LRIF1: variants seen among roughly 807,000 people sequenced by gnomAD.
LRIF1 encodes the protein ligand-dependent nuclear receptor-interacting factor 1.
Under a neutral mutation model 52.7 loss-of-function variants are expected in LRIF1, and 32 were observed. The observed-to-expected ratio is 0.61, with a 90% confidence interval of 0.46 to 0.82. LRIF1 has a LOEUF of 0.82. Ranked by LOEUF, LRIF1 falls within the 40% of genes least tolerant of loss-of-function variation. The pLI, the probability that LRIF1 is intolerant of heterozygous loss-of-function variation, is 0.00. For synonymous variants in LRIF1, 323 were observed against 317.4 expected (o/e 1.02, Z -0.19); for missense variants, 887 against 892.0 (o/e 0.99, Z 0.07).
chr1:110,891,797 T>C, the LRIF1 span, among the ~76,000 whole-genome samples: 1 of 152,350 alleles, frequency 6.6e-6, no homozygotes, highest in African/African-American at 2.4e-5. Flanking sequence ...GTTTTTCTTG[T>C]CTTTTTTTCT....
chr1:110,887,384 A>G, the LRIF1 span, among the ~76,000 whole-genome samples: 1 of 152,112 alleles, frequency 6.6e-6, no homozygotes, highest in South Asian at 2.1e-4. Flanking sequence ...AAAACATAGT[A>G]TCTGGCTTAA....
In LRIF1 at chr1:110,947,771, C is replaced by T; in HGVS notation, c.*188G>A. ...GTATCTAAGACAAAGGTATAGATAC[C>T]CCATGTAAATTATTCACAAGTCATA... On this transcript the variant is annotated 3_prime_UTR_variant, in exon 4 of 4. Coordinates refer to ENST00000369763, the MANE Select transcript of LRIF1 (RefSeq NM_018372.4). 3 of 612,054 alleles carry T rather than the reference C, an allele frequency of 4.9e-6. No individual in the cohort carries two copies. The highest frequency in any genetic ancestry group is 7.5e-6 in the Non-Finnish European group (3 of 397,536). The allele number at this position is 612,054 out of a possible 1,614,324, so 37.9% of individuals were successfully genotyped here.
At chr1:110,886,846 A>AAGATATATATATATATATATATAT in the LRIF1 span, among the ~76,000 whole-genome samples, 5 of 101,002 alleles carry the variant, frequency 5.0e-5, no homozygotes, top group African/African-American at 1.6e-4. Context: ...CTCTGTCTCC[A>AAGATATATATATATATATATATAT]ATATATATAT....
At position 110,950,002 on chromosome 1, in the gene LRIF1, A is replaced by C. The variant is rs771029757; in HGVS notation, c.1718T>G (p.Ile573Arg). 1.2e-6 allele frequency: 2 copies of C among 1,614,142 alleles called. No individual in the cohort carries two copies. Among genetic ancestry groups the C allele is most frequent in the Admixed American group, 1.7e-5 (1 of 60,030 alleles). Residue 573 changes from isoleucine to arginine, a missense_variant, in exon 3 of 4, where the codon ATA (isoleucine) becomes AGA (arginine). Ile to Arg is a moderately conservative substitution (Grantham distance 97, BLOSUM62 -3). Coordinates refer to ENST00000369763, the MANE Select transcript of LRIF1 (RefSeq NM_018372.4). The part of the protein sequence containing the change: ...HLKSDAEFKK[I>R]FGLTKDLRVC... ...TCTCAAATCCTTAGTAAGGCCAAAT[A>C]TCTTTTTAAATTCAGCATCACTCTT...
chr1:110,917,996 A>C, the LRIF1 span, among the ~76,000 whole-genome samples: 1 of 152,220 alleles, frequency 6.6e-6, no homozygotes, highest in Admixed American at 6.5e-5. Flanking sequence ...TGATAGATTA[A>C]ATATGTAAGA....
chr1:110,876,265 C>A, the LRIF1 span, among the ~76,000 whole-genome samples: 224 of 152,250 alleles, frequency 1.5e-3, no homozygotes, highest in Non-Finnish European at 2.5e-3. Context: ...TCTTCTGATT[C>A]TCTATGGCAT....
the LRIF1 span, chr1:110,894,994 G>A: frequency 2.5e-6 from 4 of 1,614,020 alleles, no homozygotes; most frequent in Non-Finnish European, 3.4e-6. Context: ...CTGACCGACA[G>A]CATCCACCGT....
the LRIF1 span, among the ~76,000 whole-genome samples, chr1:110,885,481 T>C: frequency 6.6e-6 from 1 of 151,868 alleles, no homozygotes; most frequent in South Asian, 2.1e-4. Flanking sequence ...GAGCTTGCAG[T>C]GAGCCGAGAT....
Position 110,952,308 on chromosome 1 carries a change from T to G in LRIF1, c.576A>C (p.Glu192Asp). ...ATGATGACGCTGGTACAGATTTCAC[T>G]TCAGCATGGGCTGGAATCTGTAAAT... ...GHHLQIPAHA[E>D]VKSVPASSLP... The change falls in exon 2 of 4, where the codon GAA becomes GAC. Residue 192 changes from glutamate to aspartate, a missense_variant. Transcript: ENST00000369763. 1.2e-6 allele frequency: 2 copies of G among 1,614,150 alleles called. No individual in the cohort carries two copies. The highest frequency in any genetic ancestry group is 1.7e-6 in the Non-Finnish European group (2 of 1,179,996).
chr1:110,961,565 G>C (rs144616163), intron 1 of LRIF1, among the ~76,000 whole-genome samples: 5 of 152,252 alleles, frequency 3.3e-5, no homozygotes, highest in African/African-American at 1.2e-4. Flanking sequence ...GATGAATTAA[G>C]AGATACTTCA....
At position 110,951,608 on chromosome 1, in the gene LRIF1, T is replaced by C. The variant is rs1444811776; in HGVS notation, c.1276A>G (p.Thr426Ala). ...LAKSKSSQME[T>A]KSLSNTQLAS... ...AGCTGGGTATTGGAAAGTGATTTTGTCTCCATCTGGGAAGATTTACTTTTA... is the reference window on the plus strand; with the variant it reads ...AGCTGGGTATTGGAAAGTGATTTTGCCTCCATCTGGGAAGATTTACTTTTA... The change falls in exon 2 of 4, where the codon ACA becomes GCA. Residue 426 changes from threonine to alanine, a missense_variant. By Grantham distance (58) the Thr-to-Ala change is moderately conservative. Coordinates refer to ENST00000369763, the MANE Select transcript of LRIF1 (RefSeq NM_018372.4). The C allele has an allele frequency of 6.2e-7, 1 of 1,614,112 alleles. No individual in the cohort carries two copies. Among genetic ancestry groups the C allele is most frequent in the Non-Finnish European group, 8.5e-7 (1 of 1,180,016 alleles).
At position 110,956,113 on chromosome 1, in the gene LRIF1, T is replaced by A. The variant is rs192984386; in HGVS notation, c.69-3298A>T. On this transcript the variant is annotated intron_variant, in intron 1 of 3. Transcript: ENST00000369763. The stretch of plus-strand genomic sequence containing the variant: ...ATCACATGACATCATCTGCTAAAAG[T>A]AAGAGCAAAAATATGGAAAGATTTG... Among the ~76,000 whole-genome samples, 14 of 152,294 alleles carry A rather than the reference T, an allele frequency of 9.2e-5. No homozygotes were observed. In the East Asian group the frequency reaches 2.3e-3, roughly 25 times the overall value.
At chr1:110,949,735 A>T in intron 3 of LRIF1, 116 bp downstream of exon 3, 7 of 1,164,480 alleles carry the variant, frequency 6.0e-6, no homozygotes, top group Non-Finnish European at 8.5e-6. Context: ...TATTTGCAAA[A>T]CCAGTAACAA....
At chr1:110,912,118 C>T in the LRIF1 span, among the ~76,000 whole-genome samples, 1 of 152,148 alleles carries the variant, frequency 6.6e-6, no homozygotes, top group Non-Finnish European at 1.5e-5. Context: ...AGTCTCTGCC[C>T]AAAGGCTCCT....
the LRIF1 span, among the ~76,000 whole-genome samples, chr1:110,898,352 G>A: frequency 1.3e-5 from 2 of 149,450 alleles, no homozygotes; most frequent in East Asian, 3.9e-4. Flanking sequence ...ACTCCTGCCT[G>A]GGCGACAGAG....
the LRIF1 span, among the ~76,000 whole-genome samples, chr1:110,928,714 A>G: frequency 6.6e-6 from 1 of 152,188 alleles, no homozygotes; most frequent in Non-Finnish European, 1.5e-5. Flanking sequence ...GGAACTTTCC[A>G]GAGAGTGAGG....
the LRIF1 span, among the ~76,000 whole-genome samples, chr1:110,904,907 G>C: frequency 9.2e-5 from 14 of 152,078 alleles, no homozygotes; most frequent in African/African-American, 3.4e-4. Context: ...GAAGGAATTA[G>C]GAATTCTATC....
the LRIF1 span, among the ~76,000 whole-genome samples, chr1:110,900,372 T>C: frequency 5.3e-5 from 8 of 152,084 alleles, no homozygotes; most frequent in Non-Finnish European, 1.2e-4. Context: ...GTTGTTTTTG[T>C]TGTTGTTGTT....
the LRIF1 span, chr1:110,899,002 AT>A: frequency 7.4e-5 from 50 of 672,920 alleles, no homozygotes; most frequent in Middle Eastern, 7.5e-4. Flanking sequence ...CTTGAAAGTA[AT>A]GGTTGGAAGG....
Sources: allele counts gnomAD v4.1 joint callset (sites outside exome capture counted in the v4.1 genomes callset), GRCh38; gene constraint gnomAD v4.1.1; transcripts MANE v1.5; gene names NCBI Gene and HGNC (gene_info 2026-07-23, HGNC 2026-07-21).